The following MYO3A variants were observed in gnomAD, a reference collection of about 807,000 sequenced individuals.
MYO3A encodes the protein myosin IIIA.
Under a neutral mutation model 192.7 loss-of-function variants are expected in MYO3A, and 180 were observed. The observed-to-expected ratio is 0.93, with a 90% CI of 0.83 to 1.06. The LOEUF (loss-of-function observed/expected upper bound fraction) is 1.06, where lower values mean the gene tolerates loss of function less well. Among genes scored for constraint, MYO3A ranks in the 50% least tolerant of loss-of-function variants. The probability of loss-of-function intolerance (pLI) is 0.00; values close to 1 mark genes in which losing one functional copy is unlikely to be tolerated. For missense variants in MYO3A, 1,896 were observed against 1,905.0 expected (o/e 1.00, Z 0.09); for synonymous variants, 628 against 645.3 (o/e 0.97, Z 0.41).
At chr10:26,151,033 GA>G (rs1480463089) in intron 23 of MYO3A, among the ~76,000 whole-genome samples, 1 of 152,124 alleles carries the variant, frequency 6.6e-6, no homozygotes, top group Non-Finnish European at 1.5e-5. Context: ...AGTGTTCAGA[GA>G]GCGTACTTTG....
At chr10:26,035,786 A>G (rs1321399905) in intron 10 of MYO3A, among the ~76,000 whole-genome samples, 2 of 152,216 alleles carry the variant, frequency 1.3e-5, no homozygotes, top group African/African-American at 4.8e-5. Context: ...AAACTGATGG[A>G]CAGATTTTGT....
chr10:26,168,634 T>G, intron 27 of MYO3A, 78 bp from the exon 28 acceptor site: 1 of 1,433,382 alleles, frequency 7.0e-7, no homozygotes, highest in Non-Finnish European at 9.7e-7. Context: ...TAGAATGTGT[T>G]CTGTTCTTCA....
chr10:26,205,479 T>TG lies in MYO3A; in HGVS notation c.4730+2381dup, dbSNP rs766224587. Among the ~76,000 whole-genome samples the TG allele has an allele frequency of 5.8e-4, 78 of 133,338 alleles. 2 individuals are homozygous for TG. Among genetic ancestry groups the TG allele is most frequent in the African/African-American group, 1.1e-3 (33 of 31,324 alleles). The allele number at this position is 133,338 out of a possible 152,430, so 87.5% of individuals were successfully genotyped here. ...TGTGCTTGTCTTTTTTTTTTTTTTT[T>TG]GGGGGGGGGCTTCCATGTATAAGTG... On this transcript the variant is annotated intron_variant, in intron 34 of 34. Coordinates refer to ENST00000642920, the MANE Select transcript of MYO3A (RefSeq NM_017433.5).
intron 31 of MYO3A, among the ~76,000 whole-genome samples, chr10:26,179,532 A>G (rs1362068157): frequency 6.6e-6 from 1 of 152,232 alleles, no homozygotes; most frequent in East Asian, 1.9e-4. Flanking sequence ...AGTCTATTGT[A>G]AAATTGGTCA....
intron 26 of MYO3A, among the ~76,000 whole-genome samples, chr10:26,162,191 A>T (rs1841516620): frequency 6.6e-6 from 1 of 152,224 alleles, no homozygotes. Flanking sequence ...AGTATTTTTC[A>T]AATTAATGAA....
intron 32 of MYO3A, chr10:26,200,829 G>C (rs1310456628): frequency 1.3e-5 from 2 of 152,364 alleles, no homozygotes; most frequent in African/African-American, 4.8e-5. Context: ...TTCACCTGCC[G>C]TCCATATTCA....
rs1393441064 is a variant in MYO3A at position 25,934,298 on chromosome 10, G to A, written c.-135G>A. ...CGCCCGTAGCCAGCGCCCCCGTAAA[G>A]AAATAAGGAGGCGCCCGGCTTCCCG... On this transcript the variant is annotated 5_prime_UTR_variant, in exon 1 of 35. Transcript: ENST00000642920. 6.6e-6 allele frequency: 1 copy of A among 152,400 alleles called. No homozygotes were observed. The highest frequency in any genetic ancestry group is 1.5e-5 in the Non-Finnish European group (1 of 68,188). The allele number at this position is 152,400 out of a possible 1,614,324, so 9.4% of individuals were successfully genotyped here. A position where few individuals can be genotyped will look rare whatever the true frequency, so the allele number is the denominator to read the frequency against.
intron 23 of MYO3A, among the ~76,000 whole-genome samples, chr10:26,150,621 T>C (rs1018115041): frequency 6.6e-5 from 10 of 152,352 alleles, no homozygotes; most frequent in African/African-American, 2.4e-4. Context: ...TACAACATTT[T>C]CTTACTATCC....
chr10:26,088,452 A>C, intron 15 of MYO3A, 47 bp downstream of exon 15: 1 of 1,525,966 alleles, frequency 6.6e-7, no homozygotes, highest in Non-Finnish European at 9.1e-7. Context: ...GCAGAAGCAA[A>C]CATAATACTT....
At chr10:26,196,301 G>T (rs1843403969) in intron 32 of MYO3A, among the ~76,000 whole-genome samples, 1 of 152,204 alleles carries the variant, frequency 6.6e-6, no homozygotes, top group Non-Finnish European at 1.5e-5. Context: ...TTCCCAGTAT[G>T]AGAAATTGTA....
At chr10:25,952,345 A>G (rs1837260508) in intron 3 of MYO3A, 67 bp downstream of exon 3, 1 of 1,468,870 alleles carries the variant, frequency 6.8e-7, no homozygotes, top group East Asian at 2.3e-5. Flanking sequence ...AAAAGACTGT[A>G]TTTTATCTTG....
intron 6 of MYO3A, among the ~76,000 whole-genome samples, chr10:26,002,818 T>A (rs1011298790): frequency 9.2e-5 from 14 of 152,160 alleles, no homozygotes; most frequent in African/African-American, 3.4e-4. Context: ...AATTCATATC[T>A]AACAGCACCC....
intron 2 of MYO3A, among the ~76,000 whole-genome samples, chr10:25,951,222 AAT>A (rs1837189930): frequency 6.6e-6 from 1 of 152,132 alleles, no homozygotes; most frequent in Non-Finnish European, 1.5e-5. Context: ...TAATATTGAT[AAT>A]GATATCAATA....
At chr10:26,006,922 CAACCAAAAAAGAGAATTTTAGACCAAT>C (rs2130971066) in intron 6 of MYO3A, among the ~76,000 whole-genome samples, 1 of 150,314 alleles carries the variant, frequency 6.7e-6, no homozygotes, top group African/African-American at 2.5e-5. Flanking sequence ...GGCAGAGACA[CAACCAAAAAAGAGAATTTTAGACCAAT>C]ATCCTTGATG....
chr10:26,171,017 C>G (rs1307542253), intron 29 of MYO3A, among the ~76,000 whole-genome samples: 1 of 152,142 alleles, frequency 6.6e-6, no homozygotes, highest in Non-Finnish European at 1.5e-5. Flanking sequence ...GCAGTGGGGA[C>G]ACAGATACGT....
At chr10:26,017,554 G>A (rs949768747) in intron 7 of MYO3A, among the ~76,000 whole-genome samples, 3 of 152,080 alleles carry the variant, frequency 2.0e-5, no homozygotes, top group Non-Finnish European at 2.9e-5. Context: ...GTTTTCTAGG[G>A]AGTGAAGGGA....
intron 34 of MYO3A, among the ~76,000 whole-genome samples, chr10:26,203,753 C>G (rs1305795628): frequency 6.6e-6 from 1 of 152,098 alleles, no homozygotes. Context: ...AAACAAAAAG[C>G]TGTTCATCCA....
At chr10:26,004,596 A>G (rs777420742) in intron 6 of MYO3A, among the ~76,000 whole-genome samples, 47 of 152,118 alleles carry the variant, frequency 3.1e-4, no homozygotes, top group Non-Finnish European at 4.9e-4. Context: ...AAAGGAATCA[A>G]GGATTCTTGG....
In MYO3A at chr10:26,168,566, A is replaced by G. The variant is rs187612660; in HGVS notation, c.3112-146A>G. On this transcript the variant is annotated intron_variant, in intron 27 of 34. Transcript: ENST00000642920. ...TTCAAGCATAAAAATCTGTACTGTC[A>G]TAGTGACATCTAGGGCAAAGAAGCA... The G allele has an allele frequency of 3.1e-5, 24 of 767,358 alleles. No homozygotes were observed. The East Asian group carries it at 6.5e-4, about 21-fold the overall frequency. 47.5% of individuals were successfully genotyped at this position (767,358 alleles called of 1,614,324 possible).
Sources: gnomAD v4.1 joint callset for allele counts (sites outside exome capture counted in the v4.1 genomes callset) on GRCh38, gnomAD v4.1.1 for gene constraint, MANE v1.5 for transcripts, NCBI Gene and HGNC (gene_info 2026-07-23, HGNC 2026-07-21) for gene names.